CBR4: variants seen among roughly 807,000 people sequenced by gnomAD.
CBR4 encodes carbonyl reductase 4.
A neutral mutation model predicts 21.0 loss-of-function variants in CBR4; 22 were observed. That is an observed-to-expected ratio of 1.05 (90% CI 0.75 to 1.50). CBR4 has a LOEUF of 1.50. CBR4 is among the 40% of genes most tolerant of loss of function. CBR4 has a pLI of 0.00. For synonymous variants in CBR4, 100 were observed against 104.4 expected (o/e 0.96, Z 0.26); for missense variants, 302 against 286.3 (o/e 1.05, Z -0.40).
intron 2 of CBR4, among the ~76,000 whole-genome samples, chr4:168,902,026 C>T (rs1462808807): frequency 1.3e-5 from 2 of 152,040 alleles, no homozygotes; most frequent in Non-Finnish European, 2.9e-5. Context: ...CTGAAAAATA[C>T]GAGTTTGAAA....
intron 2 of CBR4, among the ~76,000 whole-genome samples, chr4:168,931,632 T>G (rs1469729802): frequency 1.3e-5 from 2 of 150,304 alleles, no homozygotes; most frequent in African/African-American, 4.9e-5. Context: ...CCAGGCCAAA[T>G]GAGCATGCCT....
chr4:168,952,900 C>T (rs1763581434), intron 2 of CBR4, among the ~76,000 whole-genome samples: 1 of 152,168 alleles, frequency 6.6e-6, no homozygotes, highest in African/African-American at 2.4e-5. Flanking sequence ...GGCCTCCTGC[C>T]AGGAGGTGGC....
rs190332503 is a variant in CBR4, at chr4:168,976,754, G to A, written n.169+25317C>T. Among the ~76,000 whole-genome samples, 138 of 152,348 alleles carry A rather than the reference G, an allele frequency of 9.1e-4. 1 individual carries two copies. The highest frequency in any genetic ancestry group is 2.9e-3 in the African/African-American group (122 of 41,584). ...AAGTATATTATCGCAAGGGCGGGGA[G>A]GGTGTATTGTCACAAAGTCAATTTA... On this transcript the variant is annotated intron_variant and non_coding_transcript_variant, in intron 2 of 3. Coordinates refer to the CBR4 transcript ENST00000509108.
At chr4:168,927,905 A>G (rs1762755972) in intron 2 of CBR4, 1 of 203,182 alleles carries the variant, frequency 4.9e-6, no homozygotes, top group South Asian at 1.9e-4. Context: ...TGCAAAACAC[A>G]TGTATCTTTC....
intron 2 of CBR4, among the ~76,000 whole-genome samples, chr4:168,973,883 A>G (rs1764289519): frequency 6.6e-6 from 1 of 152,160 alleles, no homozygotes; most frequent in African/African-American, 2.4e-5. Context: ...GCCATTCTGT[A>G]TCTTTTAAGT....
chr4:168,913,499 AATC>A (rs1467684577), intron 2 of CBR4, among the ~76,000 whole-genome samples: 2 of 152,134 alleles, frequency 1.3e-5, no homozygotes, highest in Admixed American at 1.3e-4. Context: ...AGAAAACTGA[AATC>A]ATCTAGGTTT....
At chr4:169,004,926 G>C (rs1730778442) in intron 3 of CBR4, among the ~76,000 whole-genome samples, 5 of 151,846 alleles carry the variant, frequency 3.3e-5, no homozygotes, top group Admixed American at 3.3e-4. Flanking sequence ...AACAGAAGTG[G>C]GGAAGTAATT....
At chr4:168,957,279 CT>C (rs1212615593) in intron 2 of CBR4, among the ~76,000 whole-genome samples, 1 of 151,990 alleles carries the variant, frequency 6.6e-6, no homozygotes, top group Non-Finnish European at 1.5e-5. Flanking sequence ...CTTGAAGAGG[CT>C]TCTAATTAAA....
chr4:168,935,667 C>T (rs1763091920), intron 2 of CBR4, among the ~76,000 whole-genome samples: 1 of 152,182 alleles, frequency 6.6e-6, no homozygotes, highest in Admixed American at 6.5e-5. Flanking sequence ...TGGGCAGAGC[C>T]CACCACAGCT....
At chr4:168,957,774 G>A (rs1346755893) in intron 2 of CBR4, among the ~76,000 whole-genome samples, 1 of 152,160 alleles carries the variant, frequency 6.6e-6, no homozygotes, top group South Asian at 2.1e-4. Flanking sequence ...ATCTTGAACT[G>A]TAGTTCCCAT....
chr4:168,986,044 C>T (rs986739335), downstream of CBR4, among the ~76,000 whole-genome samples: 6 of 151,442 alleles, frequency 4.0e-5, no homozygotes, highest in East Asian at 1.9e-4. Flanking sequence ...TACATATGTA[C>T]CCCCTAAATC....
intron 4 of CBR4, among the ~76,000 whole-genome samples, chr4:168,991,086 T>C (rs1377826339): frequency 6.6e-6 from 1 of 152,032 alleles, no homozygotes; most frequent in Non-Finnish European, 1.5e-5. Flanking sequence ...AATAGTTTTG[T>C]TAGTAATCAA....
chr4:168,898,539 A>C, intron 2 of CBR4: 1 of 1,613,908 alleles, frequency 6.2e-7, no homozygotes, highest in South Asian at 1.1e-5. Flanking sequence ...AGTGAAATAG[A>C]GTACAGGCTA....
chr4:168,904,056 A>G, intron 2 of CBR4: 2 of 746,256 alleles, frequency 2.7e-6, no homozygotes, highest in South Asian at 1.6e-5. Flanking sequence ...TTGGTTTCAG[A>G]GGATAGAAAA....
intron 2 of CBR4, among the ~76,000 whole-genome samples, chr4:168,922,098 TATATACACACACACACACACAC>T (rs1761663336): frequency 1.9e-5 from 2 of 107,620 alleles, no homozygotes; most frequent in African/African-American, 3.1e-5. Flanking sequence ...TATATATATA[TATATACACACACACACACACAC>T]ACACACACAC....
chr4:169,008,163 C>G (rs1394872336), intron 1 of CBR4, among the ~76,000 whole-genome samples: 2 of 152,010 alleles, frequency 1.3e-5, no homozygotes, highest in African/African-American at 4.8e-5. Context: ...GAATTAGTTT[C>G]TTTGGCCCTG....
chr4:168,919,208 A>G (rs1760894603), intron 2 of CBR4, among the ~76,000 whole-genome samples: 1 of 152,184 alleles, frequency 6.6e-6, no homozygotes, highest in Non-Finnish European at 1.5e-5. Flanking sequence ...TTTCACTATG[A>G]TGATCTGACC....
intron 4 of CBR4, among the ~76,000 whole-genome samples, chr4:168,992,276 A>G (rs766023142): frequency 1.6e-4 from 25 of 152,212 alleles, no homozygotes; most frequent in Non-Finnish European, 3.1e-4. Context: ...AAATAATGCT[A>G]TATGTTCTCA....
chr4:169,009,321 T>C (rs1319766212), intron 1 of CBR4, among the ~76,000 whole-genome samples: 2 of 152,184 alleles, frequency 1.3e-5, no homozygotes, highest in South Asian at 2.1e-4. Flanking sequence ...AAAAAAGAAT[T>C]TGGCAGAACA....
Sources: allele counts gnomAD v4.1 joint callset (sites outside exome capture counted in the v4.1 genomes callset), GRCh38; gene constraint gnomAD v4.1.1; transcripts MANE v1.5; gene names NCBI Gene and HGNC (gene_info 2026-07-23, HGNC 2026-07-21).